ABCA8: variants seen among roughly 807,000 people sequenced by gnomAD.
ABCA8 encodes the protein ATP binding cassette subfamily A member 8.
ABCA8 carries 177 observed loss-of-function variants against 192.3 expected under a neutral mutation model. That is an observed-to-expected ratio of 0.92 (90% CI 0.81 to 1.04). The LOEUF (loss-of-function observed/expected upper bound fraction) is 1.04. ABCA8 is among the 50% of genes least tolerant of loss of function. The pLI, the probability that ABCA8 is intolerant of heterozygous loss-of-function variation, is 0.00. For synonymous variants in ABCA8, 642 were observed against 690.2 expected, an observed-to-expected ratio of 0.93 and a Z score of 1.09; for missense variants, 1,915 against 1,904.8, an observed-to-expected ratio of 1.01 and a Z score of -0.10.
chr17:68,918,706 G>T (rs944483405), intron 14 of ABCA8, among the ~76,000 whole-genome samples, 160 bp from the exon 15 acceptor site: 3 of 152,074 alleles, frequency 2.0e-5, no homozygotes, highest in African/African-American at 4.8e-5. Flanking sequence ...GGCTGAGGCG[G>T]GCAGATAACG....
chr17:68,944,318 ATAT>A (rs1567886076), intron 2 of ABCA8, among the ~76,000 whole-genome samples: 2,028 of 55,038 alleles, frequency 0.037, 189 homozygotes, highest in Non-Finnish European at 0.051. Context: ...ACTTAAAGTT[ATAT>A]ATATATATAT....
intron 32 of ABCA8, chr17:68,878,123 G>A (rs2143264155): frequency 6.5e-6 from 1 of 154,124 alleles, no homozygotes; most frequent in African/African-American, 2.4e-5. Flanking sequence ...TCATTCTACT[G>A]AATGAATCAG....
intron 29 of ABCA8, 142 bp downstream of exon 29, chr17:68,883,649 T>C (rs954944094): frequency 5.2e-6 from 3 of 576,272 alleles, no homozygotes; most frequent in Non-Finnish European, 6.2e-6. Context: ...TATCTGGATC[T>C]GTATTATTTG....
chr17:68,955,023 TATTA>T (rs1163455400), intron 1 of ABCA8, among the ~76,000 whole-genome samples, 192 bp downstream of exon 1: 1 of 152,220 alleles, frequency 6.6e-6, no homozygotes, highest in African/African-American at 2.4e-5. Context: ...ATTTATCTAA[TATTA>T]ATTACCAGAT....
At chr17:68,917,582 G>T in intron 16 of ABCA8, 131 bp from the exon 17 acceptor site, 1 of 596,134 alleles carries the variant, frequency 1.7e-6, no homozygotes, top group Non-Finnish European at 2.9e-6. Context: ...TGCAGGACTC[G>T]ATAAGGACTC....
At chr17:68,907,439 G>C (rs972743159) in intron 18 of ABCA8, among the ~76,000 whole-genome samples, 2 of 151,608 alleles carry the variant, frequency 1.3e-5, no homozygotes, top group Non-Finnish European at 2.9e-5. Flanking sequence ...TAAGCCAGAG[G>C]TTTTCAACCA....
intron 4 of ABCA8, among the ~76,000 whole-genome samples, chr17:68,937,923 A>G (rs1409953755): frequency 6.6e-6 from 1 of 152,148 alleles, no homozygotes; most frequent in African/African-American, 2.4e-5. Context: ...TTCTCTTTTT[A>G]CAGAATACAG....
rs930765224 is a variant in ABCA8, at chr17:68,885,395, T to G, written c.3430-80A>C. On this transcript the variant is annotated intron_variant, in intron 26 of 39. Transcript: ENST00000586539. ...ATCGAGATGGCTCATCTTGAAGATA[T>G]TACTAATTTCAACTCCAATCTTGCA... 5 of 1,389,678 alleles carry G rather than the reference T, an allele frequency of 3.6e-6. No homozygotes were observed. The African/African-American group carries it at 7.3e-5, about 20-fold the overall frequency. 86.1% of individuals were successfully genotyped at this position (1,389,678 alleles called of 1,614,324 possible). A position where few individuals can be genotyped will look rare whatever the true frequency, so the allele number is the denominator to read the frequency against.
intron 32 of ABCA8, 43 bp from the exon 33 acceptor site, chr17:68,877,722 C>G: frequency 6.4e-7 from 1 of 1,550,730 alleles, no homozygotes; most frequent in East Asian, 2.3e-5. Context: ...TTCTGCACTG[C>G]TTCTTTGAGT....
chr17:68,875,117 T>G, intron 37 of ABCA8, 143 bp downstream of exon 37: 2 of 1,170,072 alleles, frequency 1.7e-6, no homozygotes, highest in Non-Finnish European at 1.2e-6. Context: ...TACGTCTGCT[T>G]TCTCTTCTCT....
Position 68,919,336 on chromosome 17 carries a change from T to C in ABCA8, c.1753A>G (p.Ile585Val), listed in dbSNP as rs765503593. Residue 585 changes from isoleucine (I) to valine (V), a missense_variant, in exon 14 of 40, where the codon ATA becomes GTA. Coordinates refer to ENST00000586539, the MANE Select transcript of ABCA8 (RefSeq NM_001288985.2). The stretch of plus-strand genomic sequence containing the variant: ...ACTTCTTGTGGCAGAATCCCTTTTA[T>C]TTTAGCAAAGAGTCTGAGGTTTTCT... The part of the protein sequence containing the change: ...VRENLRLFAK[I>V]KGILPQEVDK... 2.5e-6 allele frequency: 4 copies of C among 1,613,220 alleles called. No individual in the cohort carries two copies. The highest frequency in any genetic ancestry group is 3.4e-6 in the Non-Finnish European group (4 of 1,179,626).
intron 24 of ABCA8, 110 bp downstream of exon 24, chr17:68,891,379 T>C (rs1024245506): frequency 1.5e-6 from 1 of 659,482 alleles, no homozygotes; most frequent in Non-Finnish European, 2.5e-6. Context: ...AATTTATGTC[T>C]GAATTGGCTG....
intron 2 of ABCA8, among the ~76,000 whole-genome samples, chr17:68,945,413 A>G (rs565830028): frequency 1.3e-5 from 2 of 151,990 alleles, no homozygotes; most frequent in Non-Finnish European, 2.9e-5. Context: ...AATTTTGTCA[A>G]TCTCTAATTT....
chr17:68,906,233 T>A, intron 18 of ABCA8, 70 bp from the exon 19 acceptor site: 1 of 1,210,050 alleles, frequency 8.3e-7, no homozygotes, highest in Non-Finnish European at 1.1e-6. Context: ...TTTTTCAAAC[T>A]AATAAGCACA....
rs537931527 is a variant in ABCA8, at chr17:68,906,516, G to C, written c.2279-353C>G. On this transcript the variant is annotated intron_variant, in intron 18 of 39. Transcript: ENST00000586539. ...CTAATTAATTGAAAAGTCTTTTCTA[G>C]AGAACAGATATAAATGGGAGCCATT... is the stretch of plus-strand genomic sequence containing the variant. Among the ~76,000 whole-genome samples, 22 of 152,126 alleles carry C rather than the reference G, an allele frequency of 1.4e-4. 1 individual carries two copies. The South Asian group carries it at 4.6e-3, about 32-fold the overall frequency.
At chr17:68,874,546 T>G (rs2066151123) in intron 37 of ABCA8, among the ~76,000 whole-genome samples, 1 of 152,236 alleles carries the variant, frequency 6.6e-6, no homozygotes, top group Non-Finnish European at 1.5e-5. Context: ...CCCTGTGGCT[T>G]CATGATGTAT....
At chr17:68,918,570 T>C (rs986592646) in intron 14 of ABCA8, 24 bp from the exon 15 acceptor site, 1 of 1,458,678 alleles carries the variant, frequency 6.9e-7, no homozygotes, top group Non-Finnish European at 9.0e-7. Context: ...AGTATTTATG[T>C]CATACACCAA....
At chr17:68,908,987 C>A (rs1025564962) in intron 17 of ABCA8, among the ~76,000 whole-genome samples, 2 of 152,074 alleles carry the variant, frequency 1.3e-5, no homozygotes, top group Admixed American at 6.5e-5. Flanking sequence ...ACACATAAGT[C>A]ATGTATGAAC....
At chr17:68,905,090 C>T (rs934797015) in intron 19 of ABCA8, among the ~76,000 whole-genome samples, 2 of 152,174 alleles carry the variant, frequency 1.3e-5, no homozygotes, top group Admixed American at 6.5e-5. Flanking sequence ...AAAACCTGTG[C>T]AAAAGCCCAG....
Sources: gnomAD v4.1 joint callset for allele counts (sites outside exome capture counted in the v4.1 genomes callset) on GRCh38, gnomAD v4.1.1 for gene constraint, MANE v1.5 for transcripts, NCBI Gene and HGNC (gene_info 2026-07-23, HGNC 2026-07-21) for gene names.